NDUFA10: variants seen among roughly 807,000 people sequenced by gnomAD.
NDUFA10 encodes the protein NADH:ubiquinone oxidoreductase subunit A10, also known as NADH dehydrogenase [ubiquinone] 1 alpha subcomplex subunit 10, mitochondrial.
Under a neutral mutation model 47.8 loss-of-function variants are expected in NDUFA10, and 40 were observed. That is an observed-to-expected ratio of 0.84 (90% CI 0.65 to 1.09). The LOEUF is 1.09. Ranked by LOEUF, NDUFA10 falls within the 50% of genes least tolerant of loss-of-function variation. NDUFA10 has a pLI of 0.00. For missense variants in NDUFA10, 413 were observed against 451.1 expected (o/e 0.92, Z 0.76); for synonymous variants, 183 against 172.2 (o/e 1.06, Z -0.49).
At chr2:239,994,408 C>T (rs1049335667) in intron 8 of NDUFA10, among the ~76,000 whole-genome samples, 1 of 151,954 alleles carries the variant, frequency 6.6e-6, no homozygotes, top group African/African-American at 2.4e-5. Flanking sequence ...CTAGTTTGCA[C>T]ACTCCTTATG....
At chr2:239,967,969 G>GAA (rs763408659) in intron 9 of NDUFA10, among the ~76,000 whole-genome samples, 723 of 69,894 alleles carry the variant, frequency 0.01, 12 homozygotes, top group East Asian at 0.095. Flanking sequence ...ATCAGTCAAG[G>GAA]AAAAAAATAT....
chr2:239,986,947 A>AT (rs34738063), intron 9 of NDUFA10, among the ~76,000 whole-genome samples: 42,509 of 152,070 alleles, frequency 0.28, 6,905 homozygotes, highest in East Asian at 0.43. Flanking sequence ...TCAAAACCAC[A>AT]TTGAGGGATA....
In NDUFA10 at chr2:239,959,708, G is replaced by A. The variant is rs1694769959; in HGVS notation, c.*1410C>T. On this transcript the variant is annotated 3_prime_UTR_variant, in exon 10 of 10. Coordinates refer to ENST00000252711, the MANE Select transcript of NDUFA10 (RefSeq NM_004544.4). ...AGAAGGAGGGAAGGAAAGAGGCAGG[G>A]AGGAAAACAAGGACAGACGGAAGGA... The A allele has an allele frequency of 2.4e-6, 2 of 831,210 alleles. No homozygotes were observed. The highest frequency in any genetic ancestry group is 1.9e-5 in the African/African-American group (1 of 52,940). The allele number at this position is 831,210 out of a possible 1,614,324, so 51.5% of individuals were successfully genotyped here. A position where few individuals can be genotyped will look rare whatever the true frequency, so the allele number is the denominator to read the frequency against.
At chr2:240,019,634 C>T (rs1206977324) in intron 3 of NDUFA10, among the ~76,000 whole-genome samples, 1 of 35,888 alleles carries the variant, frequency 2.8e-5, no homozygotes, top group African/African-American at 1.1e-4. Context: ...CCGGCTAAAA[C>T]GGTGAAACCC....
chr2:239,908,287 A>C (rs1327953897), intron 4 of NDUFA10, among the ~76,000 whole-genome samples: 1 of 152,152 alleles, frequency 6.6e-6, no homozygotes, highest in Non-Finnish European at 1.5e-5. Flanking sequence ...TAGGAGATAG[A>C]CCTAATGTAA....
chr2:239,982,015 G>A lies in NDUFA10; in HGVS notation c.999+8059C>T, dbSNP rs1032433167. 4.9e-5 allele frequency: 72 copies of A among 1,474,610 alleles called. No homozygotes were observed. The Middle Eastern group carries it at 1.7e-3, about 35-fold the overall frequency. 91.3% of individuals were successfully genotyped at this position (1,474,610 alleles called of 1,614,324 possible). A position where few individuals can be genotyped will look rare whatever the true frequency, so the allele number is the denominator to read the frequency against. The stretch of plus-strand genomic sequence containing the variant: ...CCTCCACTTGCTCCAGGAAATAACC[G>A]GCTGCCAACTACCTTCTGCTCTAAT... On this transcript the variant is annotated intron_variant, in intron 9 of 9. Coordinates refer to ENST00000252711, the MANE Select transcript of NDUFA10 (RefSeq NM_004544.4).
chr2:240,002,585 G>C (rs1299879208), intron 8 of NDUFA10, among the ~76,000 whole-genome samples: 1 of 151,868 alleles, frequency 6.6e-6, no homozygotes, highest in Non-Finnish European at 1.5e-5. Context: ...CTTACATATG[G>C]AGGCACAGGC....
At position 239,909,140 on chromosome 2, in the gene NDUFA10, T is replaced by A. The variant is rs577824678; in HGVS notation, c.295-13826A>T. Among the ~76,000 whole-genome samples the A allele has an allele frequency of 1.2e-4, 18 of 152,272 alleles. No individual in the cohort carries two copies. In the South Asian group the frequency reaches 3.7e-3, roughly 32 times the overall value. ...GAATCCTTGGCTTACAGGCTGCTTC[T>A]GAGAAAGTCCAAAGCAAAACAGATG... On this transcript the variant is annotated intron_variant, in intron 4 of 5. Coordinates refer to the NDUFA10 transcript ENST00000419408.
intron 4 of NDUFA10, among the ~76,000 whole-genome samples, chr2:239,898,082 C>G (rs376177846): frequency 6.6e-6 from 1 of 152,150 alleles, no homozygotes; most frequent in African/African-American, 2.4e-5. Flanking sequence ...AGGAACCAAC[C>G]GGGGCCCAGC....
At chr2:239,915,423 C>T (rs1693845926) in intron 4 of NDUFA10, among the ~76,000 whole-genome samples, 9 of 137,462 alleles carry the variant, frequency 6.5e-5, no homozygotes, top group African/African-American at 2.6e-4. Context: ...CATACACAGA[C>T]ACAAATATAC....
At chr2:239,903,923 CCGCCTGGCCT>C (rs1693599034) in intron 4 of NDUFA10, among the ~76,000 whole-genome samples, 1 of 152,198 alleles carries the variant, frequency 6.6e-6, no homozygotes, top group Non-Finnish European at 1.5e-5. Context: ...GGGGCAGGGG[CCGCCTGGCCT>C]CAGGGCTGCA....
intron 9 of NDUFA10, among the ~76,000 whole-genome samples, chr2:239,978,352 G>T (rs1355998626): frequency 6.6e-6 from 1 of 152,132 alleles, no homozygotes; most frequent in Non-Finnish European, 1.5e-5. Flanking sequence ...AGTATCCTGG[G>T]CATGGTCAAC....
At chr2:239,989,991 T>G (rs1696177099) in intron 9 of NDUFA10, 83 bp downstream of exon 9, 1 of 1,005,576 alleles carries the variant, frequency 9.9e-7, no homozygotes, top group Non-Finnish European at 1.6e-6. Context: ...CAACAAAAAC[T>G]CCTTTCTGGA....
chr2:239,942,307 G>A (rs1006690321), intron 4 of NDUFA10, among the ~76,000 whole-genome samples: 6 of 152,218 alleles, frequency 3.9e-5, no homozygotes, highest in Non-Finnish European at 8.8e-5. Flanking sequence ...CACCCACCAG[G>A]GCGCCTGAGC....
At chr2:240,009,509 G>A (rs548881231) in intron 6 of NDUFA10, among the ~76,000 whole-genome samples, 1 of 152,342 alleles carries the variant, frequency 6.6e-6, no homozygotes, top group East Asian at 1.9e-4. Flanking sequence ...ACATTCCTAT[G>A]AGAGTTAGCT....
intron 6 of NDUFA10, among the ~76,000 whole-genome samples, chr2:240,007,633 C>A (rs949248983): frequency 6.6e-6 from 1 of 152,202 alleles, no homozygotes; most frequent in African/African-American, 2.4e-5. Context: ...GACTACACTG[C>A]CCCCAAGCCA....
At chr2:239,968,077 A>T (rs1007792133) in intron 9 of NDUFA10, among the ~76,000 whole-genome samples, 1 of 152,134 alleles carries the variant, frequency 6.6e-6, no homozygotes, top group African/African-American at 2.4e-5. Flanking sequence ...ACTTTGAGAG[A>T]GATGAACGAA....
chr2:240,011,028 G>C (rs1207599563), intron 6 of NDUFA10, among the ~76,000 whole-genome samples: 1 of 152,134 alleles, frequency 6.6e-6, no homozygotes, highest in Non-Finnish European at 1.5e-5. Context: ...GAGTGTGGCA[G>C]ACATTCCTTA....
intron 9 of NDUFA10, among the ~76,000 whole-genome samples, chr2:239,963,155 A>G (rs1006441468): frequency 6.6e-6 from 1 of 152,206 alleles, no homozygotes; most frequent in Non-Finnish European, 1.5e-5. Flanking sequence ...ACACACACAA[A>G]AAAAGAAAAA....
Sources: allele counts gnomAD v4.1 joint callset (sites outside exome capture counted in the v4.1 genomes callset), GRCh38; gene constraint gnomAD v4.1.1; transcripts MANE v1.5; gene names NCBI Gene and HGNC (gene_info 2026-07-23, HGNC 2026-07-21).